The following CSMD3 variants were observed in gnomAD, a reference collection of about 807,000 sequenced individuals.
CSMD3 encodes CUB and Sushi multiple domains 3, also known as CUB and sushi domain-containing protein 3.
Under a neutral mutation model 435.2 loss-of-function variants are expected in CSMD3, and 177 were observed. The ratio of observed to expected loss-of-function variants is 0.41; its 90% CI spans 0.36 to 0.46. The LOEUF is 0.46. CSMD3 is among the 20% of genes least tolerant of loss of function. The pLI, the probability that CSMD3 is intolerant of heterozygous loss-of-function variation, is 0.34. For synonymous variants in CSMD3, 1,656 were observed against 1,520.5 expected (o/e 1.09, Z -2.07); for missense variants, 4,265 against 4,504.6 (o/e 0.95, Z 1.52).
At chr8:112,857,012 C>T (rs530214185) in intron 11 of CSMD3, among the ~76,000 whole-genome samples, 1 of 151,678 alleles carries the variant, frequency 6.6e-6, no homozygotes, top group African/African-American at 2.4e-5. Flanking sequence ...TAATAATAAA[C>T]AGATTACATT....
intron 65 of CSMD3, among the ~76,000 whole-genome samples, chr8:112,243,733 C>A (rs1035192045): frequency 6.6e-6 from 1 of 152,084 alleles, no homozygotes; most frequent in Non-Finnish European, 1.5e-5. Context: ...TTATGTTCAC[C>A]TGGTACCTCT....
At chr8:113,323,106 A>C (rs905850904) in intron 1 of CSMD3, among the ~76,000 whole-genome samples, 1 of 152,120 alleles carries the variant, frequency 6.6e-6, no homozygotes, top group African/African-American at 2.4e-5. Flanking sequence ...ACCCCATTTC[A>C]GTAACTATTA....
At chr8:112,646,530 G>A (rs73702367) in intron 19 of CSMD3, among the ~76,000 whole-genome samples, 2,807 of 152,208 alleles carry the variant, frequency 0.018, 80 homozygotes, top group African/African-American at 0.065. Context: ...TTTTTTGTCT[G>A]TAAGCTGTAC....
chr8:112,249,663 A>T (rs1428301929), intron 63 of CSMD3, among the ~76,000 whole-genome samples: 1 of 152,066 alleles, frequency 6.6e-6, no homozygotes, highest in Non-Finnish European at 1.5e-5. Context: ...AGGCCTCCAT[A>T]ACTGAGAATC....
At chr8:113,067,434 C>G (rs2088908343) in intron 5 of CSMD3, among the ~76,000 whole-genome samples, 1 of 152,030 alleles carries the variant, frequency 6.6e-6, no homozygotes, top group South Asian at 2.1e-4. Flanking sequence ...TATTTAGGAT[C>G]CATTCATGAA....
rs750103283 is a variant in CSMD3, at chr8:112,351,271, G to C, written c.6256-27C>G. On this transcript the variant is annotated intron_variant, in intron 39 of 70. Coordinates refer to ENST00000297405, the MANE Select transcript of CSMD3 (RefSeq NM_198123.2). Reference sequence around the variant, plus strand: ...TACATAAACAAAATGATGTGGTTCAGTACACATACATAAAAAGTTTAAATT... The same window carrying C: ...TACATAAACAAAATGATGTGGTTCACTACACATACATAAAAAGTTTAAATT... 2.0e-6 allele frequency: 3 copies of C among 1,485,846 alleles called. No homozygotes were observed. In the Admixed American group the frequency reaches 5.0e-5, roughly 25 times the overall value. The allele number at this position is 1,485,846 out of a possible 1,614,324, so 92.0% of individuals were successfully genotyped here.
chr8:112,759,039 T>G (rs2132138301), intron 13 of CSMD3, among the ~76,000 whole-genome samples: 1 of 152,308 alleles, frequency 6.6e-6, no homozygotes, highest in African/African-American at 2.4e-5. Context: ...TTTTCGAAGA[T>G]ATATAGATTT....
At chr8:112,819,492 C>A (rs72680234) in intron 12 of CSMD3, among the ~76,000 whole-genome samples, 3,859 of 152,212 alleles carry the variant, frequency 0.025, 100 homozygotes, top group Admixed American at 0.069. Context: ...TCCTAGAGTT[C>A]GAAGGAACTT....
At chr8:112,362,331 C>T (rs1827324058) in intron 38 of CSMD3, among the ~76,000 whole-genome samples, 1 of 151,954 alleles carries the variant, frequency 6.6e-6, no homozygotes, top group African/African-American at 2.4e-5. Flanking sequence ...GCTTTGGGAA[C>T]ATGTAGCACA....
chr8:112,371,588 A>G (rs1828394354), intron 38 of CSMD3, among the ~76,000 whole-genome samples: 2 of 152,074 alleles, frequency 1.3e-5, no homozygotes, highest in Admixed American at 6.6e-5. Context: ...GTGAGGTGTA[A>G]GATAAAAACA....
At chr8:112,447,843 G>A (rs918001682) in intron 32 of CSMD3, among the ~76,000 whole-genome samples, 12 of 152,116 alleles carry the variant, frequency 7.9e-5, no homozygotes, top group Non-Finnish European at 1.8e-4. Flanking sequence ...GAAACACATT[G>A]TCATAACACA....
chr8:112,260,844 T>A (rs1243881257), intron 61 of CSMD3, among the ~76,000 whole-genome samples: 1 of 152,092 alleles, frequency 6.6e-6, no homozygotes, highest in Non-Finnish European at 1.5e-5. Flanking sequence ...GAGAAATTAC[T>A]TAATGAGAAC....
chr8:112,387,357 C>T lies in CSMD3; in HGVS notation c.5934+3307G>A, dbSNP rs1366532736. On this transcript the variant is annotated intron_variant, in intron 36 of 70. Transcript: ENST00000297405. Reference sequence around the variant, plus strand: ...ATTCATACAATTCTTTATTCACACACATATTTGGCCCAACAGAGAAAAATA... The same window carrying T: ...ATTCATACAATTCTTTATTCACACATATATTTGGCCCAACAGAGAAAAATA... Among the ~76,000 whole-genome samples the T allele has an allele frequency of 1.3e-5, 2 of 152,138 alleles. 1 individual carries two copies. Among genetic ancestry groups the T allele is most frequent in the Non-Finnish European group, 2.9e-5 (2 of 68,028 alleles).
At chr8:112,674,733 C>T (rs151195524) in intron 16 of CSMD3, among the ~76,000 whole-genome samples, 1 of 152,264 alleles carries the variant, frequency 6.6e-6, no homozygotes, top group East Asian at 1.9e-4. Context: ...TCAGCAAGCT[C>T]ATTGTATAAG....
intron 35 of CSMD3, 59 bp from the exon 36 acceptor site, chr8:112,390,847 A>G: frequency 6.7e-7 from 1 of 1,484,840 alleles, no homozygotes; most frequent in Non-Finnish European, 9.4e-7. Flanking sequence ...TTAAAATAAG[A>G]GTAAAGGTCA....
chr8:112,706,482 T>G (rs1019099698), intron 13 of CSMD3, among the ~76,000 whole-genome samples: 4 of 152,024 alleles, frequency 2.6e-5, no homozygotes, highest in African/African-American at 9.7e-5. Flanking sequence ...ATTTGAAAGA[T>G]TTGCATGGAT....
intron 42 of CSMD3, 49 bp downstream of exon 42, chr8:112,341,428 T>C (rs2130989823): frequency 1.7e-6 from 2 of 1,155,968 alleles, no homozygotes; most frequent in Non-Finnish European, 1.3e-6. Flanking sequence ...ATATTTCTAA[T>C]AGCTGATTTG....
chr8:113,257,024 T>C (rs574862762), intron 3 of CSMD3, among the ~76,000 whole-genome samples: 43 of 152,256 alleles, frequency 2.8e-4, no homozygotes, highest in Admixed American at 2.6e-3. Flanking sequence ...GTGCAGGGTG[T>C]ACAGAATGAG....
At chr8:113,158,208 G>A (rs1404567968) in intron 4 of CSMD3, among the ~76,000 whole-genome samples, 1 of 151,586 alleles carries the variant, frequency 6.6e-6, no homozygotes, top group Non-Finnish European at 1.5e-5. Context: ...GTAAAGATGG[G>A]AAAAAGAAAA....
Sources: allele counts gnomAD v4.1 joint callset (sites outside exome capture counted in the v4.1 genomes callset), GRCh38; gene constraint gnomAD v4.1.1; transcripts MANE v1.5; gene names NCBI Gene and HGNC (gene_info 2026-07-23, HGNC 2026-07-21).